Variants in PTPN3 observed in about 807,000 individuals in gnomAD.
PTPN3 encodes protein tyrosine phosphatase non-receptor type 3, also known as tyrosine-protein phosphatase non-receptor type 3.
A neutral mutation model predicts 132.7 loss-of-function variants in PTPN3; 96 were observed. The ratio of observed to expected loss-of-function variants is 0.72; its 90% CI spans 0.61 to 0.86. PTPN3 has a LOEUF of 0.86. Among genes scored for constraint, PTPN3 ranks in the 40% least tolerant of loss-of-function variants. The pLI is 0.00. For synonymous variants in PTPN3, 398 were observed against 429.0 expected, an observed-to-expected ratio of 0.93 and a Z score of 0.89; for missense variants, 1,125 against 1,159.6, an observed-to-expected ratio of 0.97 and a Z score of 0.43.
chr9:109,452,515 T>C (rs970584951), intron 5 of PTPN3, among the ~76,000 whole-genome samples: 8 of 151,566 alleles, frequency 5.3e-5, no homozygotes, highest in African/African-American at 1.9e-4. Context: ...AAGACACATA[T>C]ACATGTAAAC....
At chr9:109,533,118 C>T in the PTPN3 span, among the ~76,000 whole-genome samples, 1 of 130,972 alleles carries the variant, frequency 7.6e-6, no homozygotes, top group Non-Finnish European at 1.6e-5. Flanking sequence ...CACCACCATA[C>T]CTGGCTAATT....
intron 12 of PTPN3, 91 bp downstream of exon 12, chr9:109,426,859 T>C: frequency 7.2e-7 from 1 of 1,397,474 alleles, no homozygotes; most frequent in Non-Finnish European, 9.8e-7. Flanking sequence ...ATGGGTTTCC[T>C]CCTCTGCCTA....
At chr9:109,384,903 T>C (rs1839442465) in intron 22 of PTPN3, among the ~76,000 whole-genome samples, 1 of 152,242 alleles carries the variant, frequency 6.6e-6, no homozygotes, top group Non-Finnish European at 1.5e-5. Flanking sequence ...TTTTGGTTAG[T>C]AGCCATTCTG....
chr9:109,482,135 G>A (rs983930819), intron 1 of PTPN3, among the ~76,000 whole-genome samples: 1 of 152,212 alleles, frequency 6.6e-6, no homozygotes. Flanking sequence ...TTGTGTCAGC[G>A]CTAACACAGC....
the PTPN3 span, chr9:109,534,373 G>A: frequency 5.4e-6 from 8 of 1,479,064 alleles, no homozygotes; most frequent in African/African-American, 9.9e-5. Flanking sequence ...CGGCAGCTGC[G>A]GCTCCTCCCG....
chr9:109,457,138 C>T, intron 4 of PTPN3, 35 bp downstream of exon 4: 1 of 1,603,052 alleles, frequency 6.2e-7, no homozygotes. Flanking sequence ...ACACTAACAC[C>T]TAATGTTCGA....
chr9:109,436,754 C>T (rs1446584284), intron 9 of PTPN3, 129 bp downstream of exon 9: 7 of 1,347,918 alleles, frequency 5.2e-6, no homozygotes, highest in Admixed American at 3.3e-5. Context: ...ACTTAATAAA[C>T]CTTCCAAATA....
At chr9:109,454,452 C>G in intron 5 of PTPN3, 44 bp downstream of exon 5, 2 of 1,495,048 alleles carry the variant, frequency 1.3e-6, no homozygotes, top group Admixed American at 3.4e-5. Flanking sequence ...AGTGGTTACT[C>G]ATTTTTATAC....
chr9:109,383,162 T>C (rs542833837), intron 23 of PTPN3: 2 of 531,064 alleles, frequency 3.8e-6, no homozygotes, highest in East Asian at 3.5e-5. Flanking sequence ...GGCTGAATCA[T>C]ATTCCATTGT....
At chr9:109,477,512 A>G (rs777748589) in intron 1 of PTPN3, among the ~76,000 whole-genome samples, 1 of 152,262 alleles carries the variant, frequency 6.6e-6, no homozygotes, top group Non-Finnish European at 1.5e-5. Context: ...TTTCAGAAGC[A>G]TTAAAGTGTG....
chr9:109,458,219 G>A lies in PTPN3; in HGVS notation c.139-820C>T, dbSNP rs1221284411. On this transcript the variant is annotated intron_variant, in intron 2 of 25. Transcript: ENST00000374541. Reference sequence around the variant, plus strand: ...ACCACACAAATGGTCATCTCGACTGGGGCCGTAGAGGAAGCAACCCCCTGA... The same window carrying A: ...ACCACACAAATGGTCATCTCGACTGAGGCCGTAGAGGAAGCAACCCCCTGA... Among the ~76,000 whole-genome samples, 3 of 152,158 alleles carry A rather than the reference G, an allele frequency of 2.0e-5. No individual in the cohort carries two copies. The East Asian group carries it at 5.8e-4, about 29-fold the overall frequency.
upstream of PTPN3, among the ~76,000 whole-genome samples, chr9:109,500,775 A>T (rs917274444): frequency 1.3e-5 from 2 of 151,916 alleles, no homozygotes; most frequent in African/African-American, 4.8e-5. Context: ...TACAAAAAAA[A>T]ACTTATCCAG....
At chr9:109,506,864 A>G in the PTPN3 span, among the ~76,000 whole-genome samples, 1 of 152,164 alleles carries the variant, frequency 6.6e-6, no homozygotes, top group African/African-American at 2.4e-5. Context: ...TGGCTTCCCA[A>G]AGTGCTGGGA....
intron 17 of PTPN3, among the ~76,000 whole-genome samples, chr9:109,407,862 T>G (rs1314612493): frequency 6.6e-6 from 1 of 152,128 alleles, no homozygotes; most frequent in Non-Finnish European, 1.5e-5. Context: ...AACAATAAAA[T>G]AAATTTGAAA....
intron 17 of PTPN3, among the ~76,000 whole-genome samples, chr9:109,407,987 A>G (rs977611854): frequency 3.3e-5 from 5 of 152,262 alleles, no homozygotes; most frequent in Non-Finnish European, 5.9e-5. Flanking sequence ...AGTGAGCAGA[A>G]CAGCAGACTG....
chr9:109,403,922 G>A (rs550011790), intron 19 of PTPN3, among the ~76,000 whole-genome samples: 1 of 152,296 alleles, frequency 6.6e-6, no homozygotes, highest in East Asian at 1.9e-4. Flanking sequence ...TGTGTTTATA[G>A]GGTTCTGGGC....
At chr9:109,469,107 G>A (rs1846242479) in intron 1 of PTPN3, among the ~76,000 whole-genome samples, 1 of 152,202 alleles carries the variant, frequency 6.6e-6, no homozygotes, top group Non-Finnish European at 1.5e-5. Flanking sequence ...CCAGAGCCCT[G>A]GGAGTCAGGG....
intron 7 of PTPN3, among the ~76,000 whole-genome samples, chr9:109,438,450 T>C (rs1245903198): frequency 2.6e-5 from 4 of 152,172 alleles, no homozygotes; most frequent in Admixed American, 2.0e-4. Context: ...CATGATCCAA[T>C]CAAATTCTCA....
intron 10 of PTPN3, 64 bp from the exon 11 acceptor site, chr9:109,428,748 C>A (rs559921123): frequency 6.4e-7 from 1 of 1,554,344 alleles, no homozygotes; most frequent in Admixed American, 1.8e-5. Flanking sequence ...GAAGCTGATG[C>A]CTCTCAATGC....
Sources: allele counts gnomAD v4.1 joint callset (sites outside exome capture counted in the v4.1 genomes callset), GRCh38; gene constraint gnomAD v4.1.1; transcripts MANE v1.5; gene names NCBI Gene and HGNC (gene_info 2026-07-23, HGNC 2026-07-21).